PDZRN4: variants seen among roughly 807,000 people sequenced by gnomAD.
The protein encoded by PDZRN4 is PDZ domain-containing RING finger protein 4.
Under a neutral mutation model 99.0 loss-of-function variants are expected in PDZRN4, and 70 were observed. The observed-to-expected ratio is 0.71, with a 90% CI of 0.58 to 0.86. PDZRN4 has a LOEUF of 0.86. Ranked by LOEUF, PDZRN4 falls within the 40% of genes least tolerant of loss-of-function variation. The probability of loss-of-function intolerance (pLI) is 0.00; values close to 1 mark genes in which losing one functional copy is unlikely to be tolerated. For synonymous variants in PDZRN4, 551 were observed against 501.6 expected, an observed-to-expected ratio of 1.10 and a Z score of -1.32; for missense variants, 1,474 against 1,331.2, an observed-to-expected ratio of 1.11 and a Z score of -1.67.
At chr12:41,286,277 A>G (rs890203984) in intron 3 of PDZRN4, among the ~76,000 whole-genome samples, 3 of 151,790 alleles carry the variant, frequency 2.0e-5, no homozygotes, top group African/African-American at 7.3e-5. Flanking sequence ...GACACTAAAG[A>G]AGAAGGCTGA....
intron 3 of PDZRN4, among the ~76,000 whole-genome samples, chr12:41,283,903 A>G (rs955767256): frequency 2.6e-5 from 4 of 152,224 alleles, no homozygotes; most frequent in African/African-American, 9.6e-5. Flanking sequence ...AGCCAATATC[A>G]TACTGAATGG....
intron 3 of PDZRN4, among the ~76,000 whole-genome samples, chr12:41,267,179 A>C (rs1951283570): frequency 6.6e-6 from 1 of 152,236 alleles, no homozygotes; most frequent in African/African-American, 2.4e-5. Flanking sequence ...AAAACTGCTT[A>C]AGACTTTCAG....
intron 3 of PDZRN4, among the ~76,000 whole-genome samples, chr12:41,473,878 G>A (rs1223268498): frequency 6.6e-6 from 1 of 152,152 alleles, no homozygotes; most frequent in Non-Finnish European, 1.5e-5. Context: ...ACTTAGTATT[G>A]TAATTTTTAG....
At chr12:41,521,826 G>A (rs916616793) in intron 5 of PDZRN4, among the ~76,000 whole-genome samples, 3 of 152,046 alleles carry the variant, frequency 2.0e-5, no homozygotes, top group Admixed American at 1.3e-4. Flanking sequence ...CTGTGTAATT[G>A]TCAAGAGGAT....
intron 3 of PDZRN4, among the ~76,000 whole-genome samples, chr12:41,392,678 G>T (rs1285636386): frequency 6.6e-6 from 1 of 152,108 alleles, no homozygotes; most frequent in Non-Finnish European, 1.5e-5. Context: ...GAAATAGTTG[G>T]TATTATTTTA....
chr12:41,559,158 T>A (rs1939221304), intron 7 of PDZRN4, among the ~76,000 whole-genome samples: 1 of 147,770 alleles, frequency 6.8e-6, no homozygotes, highest in Non-Finnish European at 1.5e-5. Flanking sequence ...ACTCACCCAA[T>A]GACATCTCAC....
intron 3 of PDZRN4, among the ~76,000 whole-genome samples, chr12:41,487,137 A>G (rs1451520150): frequency 6.6e-6 from 1 of 152,070 alleles, no homozygotes; most frequent in East Asian, 1.9e-4. Context: ...TTTTACATTG[A>G]TTGTCTGCCT....
At chr12:41,320,217 C>T (rs1951666371) in intron 3 of PDZRN4, among the ~76,000 whole-genome samples, 1 of 152,148 alleles carries the variant, frequency 6.6e-6, no homozygotes, top group South Asian at 2.1e-4. Context: ...ACTTCACATT[C>T]CTTGGCTTGG....
At chr12:41,458,072 G>A (rs901745474) in intron 3 of PDZRN4, among the ~76,000 whole-genome samples, 1 of 152,194 alleles carries the variant, frequency 6.6e-6, no homozygotes, top group Non-Finnish European at 1.5e-5. Context: ...AGATGAGGGT[G>A]TAGCATTCTG....
At chr12:41,359,075 G>A (rs1053735112) in intron 3 of PDZRN4, among the ~76,000 whole-genome samples, 1 of 151,930 alleles carries the variant, frequency 6.6e-6, no homozygotes, top group African/African-American at 2.4e-5. Context: ...TTAACTGGGT[G>A]ACTTACCGCA....
At chr12:41,369,942 A>T (rs1468121491) in intron 3 of PDZRN4, among the ~76,000 whole-genome samples, 2 of 151,944 alleles carry the variant, frequency 1.3e-5, no homozygotes, top group Non-Finnish European at 2.9e-5. Context: ...TTCATTACTT[A>T]GTAATTAGTC....
chr12:41,376,105 A>C (rs976120617), intron 3 of PDZRN4, among the ~76,000 whole-genome samples: 1 of 152,162 alleles, frequency 6.6e-6, no homozygotes, highest in African/African-American at 2.4e-5. Context: ...ATGGCTGAAT[A>C]CAATTTGTGT....
At chr12:41,407,724 AC>A (rs34713417) in intron 3 of PDZRN4, among the ~76,000 whole-genome samples, 12,254 of 134,778 alleles carry the variant, frequency 0.091, 640 homozygotes, top group South Asian at 0.21. Context: ...AAAAAAAAAA[AC>A]AAATGGCATA....
chr12:41,451,341 ATAGT>A (rs1277364028), intron 3 of PDZRN4, among the ~76,000 whole-genome samples: 2 of 152,222 alleles, frequency 1.3e-5, no homozygotes, highest in African/African-American at 4.8e-5. Context: ...GTGGATACAC[ATAGT>A]TGGTTATTAA....
chr12:41,361,940 A>G (rs1411792657), intron 3 of PDZRN4, among the ~76,000 whole-genome samples: 2 of 152,110 alleles, frequency 1.3e-5, no homozygotes, highest in African/African-American at 4.8e-5. Flanking sequence ...ACCAGCTCCT[A>G]CGTGACATTG....
In PDZRN4 at chr12:41,191,455, T is replaced by C; in HGVS notation, c.649-3T>C. 1 of 1,451,498 alleles carries C rather than the reference T, an allele frequency of 6.9e-7. No homozygotes were observed. 89.9% of individuals were successfully genotyped at this position (1,451,498 alleles called of 1,614,324 possible). A position where few individuals can be genotyped will look rare whatever the true frequency, so the allele number is the denominator to read the frequency against. On this transcript the variant is annotated splice_region_variant and splice_polypyrimidine_tract_variant and intron_variant, in intron 1 of 9. Coordinates refer to ENST00000402685, the MANE Select transcript of PDZRN4 (RefSeq NM_001164595.2). ...TTAAGTCATTTTATACATTTTTTTC[T>C]AGGATGGAGAGCATAAGCCATTCAC...
chr12:41,196,036 A>G (rs1235399283), intron 3 of PDZRN4, among the ~76,000 whole-genome samples: 1 of 152,150 alleles, frequency 6.6e-6, no homozygotes, highest in Non-Finnish European at 1.5e-5. Flanking sequence ...TGCTTCATTA[A>G]TGTTACATTA....
chr12:41,557,972 G>A (rs1939196949), intron 7 of PDZRN4, among the ~76,000 whole-genome samples: 1 of 152,056 alleles, frequency 6.6e-6, no homozygotes, highest in African/African-American at 2.4e-5. Flanking sequence ...ATGAAACCAG[G>A]GTATTCAGTG....
At chr12:41,450,169 A>G (rs1430042182) in intron 3 of PDZRN4, among the ~76,000 whole-genome samples, 1 of 152,170 alleles carries the variant, frequency 6.6e-6, no homozygotes, top group African/African-American at 2.4e-5. Context: ...AATATACTAA[A>G]CATATATTGT....
Sources: gnomAD v4.1 joint callset for allele counts (sites outside exome capture counted in the v4.1 genomes callset) on GRCh38, gnomAD v4.1.1 for gene constraint, MANE v1.5 for transcripts, NCBI Gene and HGNC (gene_info 2026-07-23, HGNC 2026-07-21) for gene names.